IGSF22: variants seen among roughly 807,000 people sequenced by gnomAD.
The protein encoded by IGSF22 is immunoglobulin superfamily member 22, also known as immunoglobulin superfamily, member 22.
In IGSF22, 119 loss-of-function variants were observed where a neutral mutation model predicts 127.0. That is an observed-to-expected ratio of 0.94 (90% CI 0.81 to 1.09). The LOEUF (loss-of-function observed/expected upper bound fraction) is 1.09, where lower values mean the gene tolerates loss of function less well. Among genes scored for constraint, IGSF22 ranks in the 50% least tolerant of loss-of-function variants. IGSF22 has a pLI of 0.00. For missense variants in IGSF22, 1,518 were observed against 1,716.6 expected, an observed-to-expected ratio of 0.88 and a Z score of 2.04; for synonymous variants, 568 against 664.7, an observed-to-expected ratio of 0.85 and a Z score of 2.24.
intron 8 of IGSF22, 78 bp downstream of exon 8, chr11:18,718,537 A>G (rs751945956): frequency 5.1e-5 from 44 of 858,470 alleles, no homozygotes; most frequent in Non-Finnish European, 8.2e-5. Context: ...AAGAGAGGCT[A>G]TGGCTTATAT....
chr11:18,706,159 G>A lies in IGSF22; in HGVS notation c.3581-13C>T. ...CTCAGGTCCTGGACTGCGCGGGCGG[G>A]GCGGGGCAGGCCGTGAGGGCGCCCC... is the stretch of plus-strand genomic sequence containing the variant. On this transcript the variant is annotated splice_polypyrimidine_tract_variant and intron_variant, in intron 21 of 22. Coordinates refer to ENST00000513874, the MANE Select transcript of IGSF22 (RefSeq NM_173588.4). 6.5e-7 allele frequency: 1 copy of A among 1,528,832 alleles called. No individual in the cohort carries two copies. The highest frequency in any genetic ancestry group is 8.8e-7 in the Non-Finnish European group (1 of 1,140,252). The allele number at this position is 1,528,832 out of a possible 1,614,324, so 94.7% of individuals were successfully genotyped here.
In IGSF22 at chr11:18,712,291, C is replaced by A. The variant is rs1848372292; in HGVS notation, c.2189G>T (p.Gly730Val). 1.3e-6 allele frequency: 2 copies of A among 1,551,740 alleles called. No individual in the cohort carries two copies. The highest frequency in any genetic ancestry group is 4.9e-5 in the East Asian group (2 of 40,922). The change falls in exon 15 of 23, where the codon GGA (glycine) becomes GTA (valine). Residue 730 changes from glycine to valine, a missense_variant. By Grantham distance (109) the Gly-to-Val change is moderately radical (BLOSUM62 -3). Coordinates refer to ENST00000513874, the MANE Select transcript of IGSF22 (RefSeq NM_173588.4). The stretch of plus-strand genomic sequence containing the variant: ...CACTATGAACTGTGTCACAGGTCGT[C>A]CACCATTGTCCTTTGGGGCCTTCCA... The part of the protein sequence containing the change: ...MKWKAPKDNG[G>V]RPVTQFIVER...
intron 7 of IGSF22, among the ~76,000 whole-genome samples, chr11:18,719,315 T>TA (rs1423522502): frequency 1.5e-5 from 2 of 137,328 alleles, no homozygotes; most frequent in African/African-American, 5.6e-5. Flanking sequence ...CAGCGGTTTT[T>TA]TTTTGTTTTT....
intron 4 of IGSF22, among the ~76,000 whole-genome samples, chr11:18,720,519 G>A (rs979957808): frequency 7.2e-5 from 11 of 152,140 alleles, no homozygotes; most frequent in African/African-American, 2.4e-4. Context: ...CTTCTCCATC[G>A]GACTCTCCCC....
intron 1 of IGSF22, 43 bp from the exon 2 acceptor site, chr11:18,724,312 G>A: frequency 2.0e-6 from 2 of 1,009,272 alleles, no homozygotes; most frequent in Non-Finnish European, 3.1e-6. Flanking sequence ...ACAGGGAGTA[G>A]GAGGGAGATT....
In IGSF22 at chr11:18,719,744, T is replaced by C. The variant is rs1564875424; in HGVS notation, c.668A>G (p.Lys223Arg). ...CACCTCTACTTTCTTCTTCATCTCT[T>C]TGAGCTTCCTGAGCAGCCCCCGAAA... ...TDFRGLLRKL[K>R]EMKKKVEVEA... The change falls in exon 7 of 23, where the codon AAA (lysine) becomes AGA (arginine). Residue 223 changes from lysine (K) to arginine (R), a missense_variant. Coordinates refer to ENST00000513874, the MANE Select transcript of IGSF22 (RefSeq NM_173588.4). The C allele has an allele frequency of 6.2e-7, 1 of 1,614,184 alleles. No individual in the cohort carries two copies. The highest frequency in any genetic ancestry group is 8.5e-7 in the Non-Finnish European group (1 of 1,180,026).
intron 4 of IGSF22, among the ~76,000 whole-genome samples, chr11:18,720,842 G>A (rs140477386): frequency 1.8e-4 from 27 of 152,348 alleles, no homozygotes; most frequent in African/African-American, 5.1e-4. Flanking sequence ...TTAGGGTCCA[G>A]TGATGATGGG....
In IGSF22 at chr11:18,712,310, C is replaced by A. The variant is rs1235092520; in HGVS notation, c.2170G>T (p.Ala724Ser). 7 of 1,551,722 alleles carry A rather than the reference C, an allele frequency of 4.5e-6. No homozygotes were observed. The change falls in exon 15 of 23, where the codon GCC becomes TCC. Residue 724 changes from alanine (A) to serine (S), a missense_variant. By Grantham distance (99) the Ala-to-Ser change is moderately conservative. Transcript: ENST00000513874. ...SGSCVHMKWK[A>S]PKDNGGRPVT... ...GGTCGTCCACCATTGTCCTTTGGGG[C>A]CTTCCACTTCATGTGCACACAACTA...
In IGSF22 at chr11:18,721,282, A is replaced by G. The variant is rs150403244; in HGVS notation, c.378+253T>C. Reference sequence around the variant, plus strand: ...CGCTTCCATTGCGTCCCGCCCCGCCACGTTCTGGCTCTGCCCCTGCTCTGC... The same window carrying G: ...CGCTTCCATTGCGTCCCGCCCCGCCGCGTTCTGGCTCTGCCCCTGCTCTGC... On this transcript the variant is annotated intron_variant, in intron 4 of 22. Transcript: ENST00000513874. 1.6e-3 allele frequency among the ~76,000 whole-genome samples: 249 copies of G among 152,116 alleles called. 1 individual carries two copies. The highest frequency in any genetic ancestry group is 5.9e-3 in the African/African-American group (244 of 41,508).
chr11:18,719,309 G>GGTTTTTTTTTTT (rs1848521728), intron 7 of IGSF22, among the ~76,000 whole-genome samples: 1 of 90,554 alleles, frequency 1.1e-5, no homozygotes, highest in African/African-American at 4.6e-5. Context: ...CACACCCAGC[G>GGTTTTTTTTTTT]GTTTTTTTTT....
intron 22 of IGSF22, among the ~76,000 whole-genome samples, chr11:18,705,037 C>T (rs1240264918): frequency 7.2e-5 from 11 of 152,084 alleles, no homozygotes; most frequent in Non-Finnish European, 1.5e-4. Context: ...AGGACAAGGT[C>T]CTTTCCCCAA....
Position 18,708,191 on chromosome 11 carries a change from G to C in IGSF22, c.3087+16C>G, listed in dbSNP as rs988299902. 2.3e-5 allele frequency: 36 copies of C among 1,538,346 alleles called. No homozygotes were observed. The highest frequency in any genetic ancestry group is 3.2e-5 in the Non-Finnish European group (36 of 1,140,402). On this transcript the variant is annotated intron_variant, in intron 19 of 22. Coordinates refer to ENST00000513874, the MANE Select transcript of IGSF22 (RefSeq NM_173588.4). ...ATGTGGACAGTGTATGGAGGTCAGG[G>C]TCAGGGACAACTCACAGAGAAGGCT...
Position 18,707,948 on chromosome 11 carries a change from T to C in IGSF22, c.3136A>G (p.Lys1046Glu), listed in dbSNP as rs1038241389. 1 of 1,614,176 alleles carries C rather than the reference T, an allele frequency of 6.2e-7. No homozygotes were observed. Among genetic ancestry groups the C allele is most frequent in the African/African-American group, 1.3e-5 (1 of 75,032 alleles). ...VIWQKDGVPT[K>E]GRETITKSKN... is the part of the protein sequence containing the mutation. Reference sequence around the variant, plus strand: ...CTCTTGGTAATTGTCTCTCGGCCCTTGGTGGGAACGCCATCTTTCTGCCAG... The same window carrying C: ...CTCTTGGTAATTGTCTCTCGGCCCTCGGTGGGAACGCCATCTTTCTGCCAG... The change falls in exon 20 of 23, where the codon AAG (lysine) becomes GAG (glutamate). Residue 1046 changes from lysine to glutamate, a missense_variant. Around this residue, in one of 3 missense-constraint regions of IGSF22, gnomAD observed 1,456 missense variants for 1,644.9 expected, o/e 0.89. Coordinates refer to ENST00000513874, the MANE Select transcript of IGSF22 (RefSeq NM_173588.4).
chr11:18,720,597 C>T (rs1848553942), intron 4 of IGSF22, among the ~76,000 whole-genome samples: 1 of 152,196 alleles, frequency 6.6e-6, no homozygotes, highest in South Asian at 2.1e-4. Context: ...TTTCTGGCAT[C>T]ATCTGGCTGA....
rs1056765942 is a variant in IGSF22, at chr11:18,713,887, C to T, written c.2060G>A (p.Gly687Asp). ...LILLKLKNDHGSATATLHLSV... is the reference protein window; with the variant it reads ...LILLKLKNDHDSATATLHLSV... The stretch of plus-strand genomic sequence containing the variant: ...AAGGTGCAGAGTGGCCGTGGCTGAG[C>T]CGTGGTCATTCTTGAGCTTGAGCAG... Residue 687 changes from glycine to aspartate, a missense_variant, in exon 14 of 23, where the codon GGC becomes GAC. Transcript: ENST00000513874. 1 of 1,614,046 alleles carries T rather than the reference C, an allele frequency of 6.2e-7. No homozygotes were observed. The highest frequency in any genetic ancestry group is 1.7e-5 in the Admixed American group (1 of 60,006).
At chr11:18,706,324 TC>T (rs1242844133) in intron 21 of IGSF22, among the ~76,000 whole-genome samples, 178 bp from the exon 22 acceptor site, 2 of 33,870 alleles carry the variant, frequency 5.9e-5, no homozygotes, top group African/African-American at 2.3e-4. Context: ...CCCCCAGGCC[TC>T]CCCCGACCCC....
rs7125943 is a variant in IGSF22, at chr11:18,714,400, T to C, written c.1675A>G (p.Met559Val). 0.75 allele frequency: 1,208,340 copies of C among 1,614,070 alleles called. 454,219 individuals carry two copies. The highest frequency in any genetic ancestry group is 0.82 in the East Asian group (36,780 of 44,878). Residue 559 changes from methionine to valine, a missense_variant, in exon 13 of 23, where the codon ATG becomes GTG. This residue lies in a region of IGSF22 where 1,456 missense variants were observed against 1,644.9 expected (regional missense o/e 0.89). Transcript: ENST00000513874. ...DGKEITDLPGMQIVKQGAVHK... is the reference protein window; with the variant it reads ...DGKEITDLPGVQIVKQGAVHK... ...ACTGCACCCTGCTTCACAATCTGCATGCCTGGCAAGTCCGTGATCTGGGGG... is the reference window on the plus strand; with the variant it reads ...ACTGCACCCTGCTTCACAATCTGCACGCCTGGCAAGTCCGTGATCTGGGGG...
At chr11:18,710,879 T>G (rs4237728) in intron 15 of IGSF22, 51 bp from the exon 16 acceptor site, 1,527,466 of 1,528,874 alleles carry the variant, frequency 1, 763,040 homozygotes, top group East Asian at 1. Flanking sequence ...CATGTAGATA[T>G]TTGCCCACCT....
Position 18,710,385 on chromosome 11 carries a change from C to T in IGSF22, c.2643G>A (p.Lys881=). ...EYEFRVIAVN[K]AGPGQPSVPS... ...GCACACTGGGCTGTCCAGGGCCTGC[C>T]TTATTTACAGCTATAACTCGGAATT... Residue 881 remains lysine (K), a synonymous_variant, in exon 17 of 23, where the codon AAG becomes AAA. Transcript: ENST00000513874. The T allele has an allele frequency of 6.2e-7, 1 of 1,614,220 alleles. No individual in the cohort carries two copies. The highest frequency in any genetic ancestry group is 1.3e-5 in the African/African-American group (1 of 75,056).
Sources: allele counts gnomAD v4.1 joint callset (sites outside exome capture counted in the v4.1 genomes callset), GRCh38; gene constraint gnomAD v4.1.1; regional missense constraint gnomAD v4.1.1; transcripts MANE v1.5; gene names NCBI Gene and HGNC (gene_info 2026-07-23, HGNC 2026-07-21).